AJAP1: variants seen among roughly 807,000 people sequenced by gnomAD.
The protein encoded by AJAP1 is adherens junction-associated protein 1.
Under a neutral mutation model 35.0 loss-of-function variants are expected in AJAP1, and 5 were observed. The ratio of observed to expected loss-of-function variants is 0.14; its 90% CI spans 0.07 to 0.30. The LOEUF (loss-of-function observed/expected upper bound fraction) is 0.30, where lower values mean the gene tolerates loss of function less well. Among genes scored for constraint, AJAP1 ranks in the 10% least tolerant of loss-of-function variants. The probability of loss-of-function intolerance (pLI) is 1.00; values close to 1 mark genes in which losing one functional copy is unlikely to be tolerated. For missense variants in AJAP1, 586 were observed against 571.0 expected, an observed-to-expected ratio of 1.03 and a Z score of -0.27; for synonymous variants, 284 against 249.3, an observed-to-expected ratio of 1.14 and a Z score of -1.31.
At chr1:4,777,568 C>G (rs1641963893) in intron 5 of AJAP1, 1 of 152,204 alleles carries the variant, frequency 6.6e-6, no homozygotes, top group Non-Finnish European at 1.5e-5. Context: ...GCCTCGAGAG[C>G]AGGCCTGCAT....
At position 4,782,740 on chromosome 1, in the gene AJAP1, C is replaced by T. The variant is rs139668701; in HGVS notation, c.*255C>T. On this transcript the variant is annotated 3_prime_UTR_variant, in exon 6 of 6. Coordinates refer to ENST00000378191, the MANE Select transcript of AJAP1 (RefSeq NM_018836.4). This position sits in a 1 kb window ranked among gnomAD's most constrained non-coding sequence, Gnocchi z 5.3. ...TCATGCCTATGGGTGACTGCCTTCT[C>T]CCAGAGTTTTCTTTGGAGAACAGAA... The T allele has an allele frequency of 2.1e-3, 854 of 398,552 alleles. 4 individuals are homozygous for T. The highest frequency in any genetic ancestry group is 0.016 in the African/African-American group (797 of 48,700). 24.7% of individuals were successfully genotyped at this position (398,552 alleles called of 1,614,324 possible).
At chr1:4,726,542 C>A (rs1337583296) in intron 2 of AJAP1, among the ~76,000 whole-genome samples, 5 of 151,890 alleles carry the variant, frequency 3.3e-5, no homozygotes, top group African/African-American at 2.4e-5. Context: ...GGGGTCTGGG[C>A]CGGAGGAAGA....
chr1:4,715,423 C>T (rs7556667), intron 2 of AJAP1, among the ~76,000 whole-genome samples: 5,582 of 152,314 alleles, frequency 0.037, 274 homozygotes, highest in East Asian at 0.17. Context: ...CAGTGGCTCA[C>T]GCCTATAATC....
At chr1:4,730,407 G>A (rs1436085415) in intron 2 of AJAP1, among the ~76,000 whole-genome samples, 4 of 152,194 alleles carry the variant, frequency 2.6e-5, no homozygotes, top group South Asian at 2.1e-4. Flanking sequence ...AGCTCACCCA[G>A]CCTGGAGCCC....
chr1:4,663,277 C>A (rs1639042746), intron 1 of AJAP1, among the ~76,000 whole-genome samples: 11 of 152,074 alleles, frequency 7.2e-5, no homozygotes, highest in Admixed American at 7.2e-4. Context: ...CTGCACCCAG[C>A]CAGGCATCAT....
At chr1:4,701,389 C>T (rs567904215) in intron 1 of AJAP1, among the ~76,000 whole-genome samples, 4 of 152,328 alleles carry the variant, frequency 2.6e-5, no homozygotes, top group South Asian at 4.1e-4. Flanking sequence ...GCACCAAAGC[C>T]GTCTCATGTC....
At chr1:4,774,392 C>G in intron 4 of AJAP1, 35 bp from the exon 5 acceptor site, 1 of 1,602,678 alleles carries the variant, frequency 6.2e-7, no homozygotes, top group South Asian at 1.1e-5. Context: ...GGTCAAGTAC[C>G]AGCACGCCAA....
chr1:4,662,952 C>T (rs1451351655), intron 1 of AJAP1, among the ~76,000 whole-genome samples: 1 of 152,128 alleles, frequency 6.6e-6, no homozygotes, highest in Non-Finnish European at 1.5e-5. Context: ...TCAGTGGTCT[C>T]TTGAAGGACC....
rs41305833 is a variant in AJAP1 at position 4,783,051 on chromosome 1, C to T, written c.*566C>T. 1.6e-3 allele frequency: 634 copies of T among 385,486 alleles called. No individual in the cohort carries two copies. Among genetic ancestry groups the T allele is most frequent in the Non-Finnish European group, 2.5e-3 (542 of 219,408 alleles). 23.9% of individuals were successfully genotyped at this position (385,486 alleles called of 1,614,324 possible). A position where few individuals can be genotyped will look rare whatever the true frequency, so the allele number is the denominator to read the frequency against. On this transcript the variant is annotated 3_prime_UTR_variant, in exon 6 of 6. Coordinates refer to ENST00000378191, the MANE Select transcript of AJAP1 (RefSeq NM_018836.4). ...ATATAAATACAAACACACACACACA[C>T]TTTTTTTGTACTGTAGCAATTTTTG... is the stretch of plus-strand genomic sequence containing the variant.
chr1:4,686,790 G>A (rs1332190753), intron 1 of AJAP1, among the ~76,000 whole-genome samples: 3 of 152,230 alleles, frequency 2.0e-5, no homozygotes, highest in South Asian at 2.1e-4. Context: ...GCTCTGGAGC[G>A]AGGTGAGCCC....
intron 1 of AJAP1, among the ~76,000 whole-genome samples, chr1:4,674,209 CTT>C (rs1335622947): frequency 2.6e-5 from 4 of 152,106 alleles, no homozygotes; most frequent in African/African-American, 7.2e-5. Context: ...GGAGAGGAGG[CTT>C]CACTGAGCTC....
chr1:4,726,384 A>G (rs1308972247), intron 2 of AJAP1, among the ~76,000 whole-genome samples: 1 of 152,160 alleles, frequency 6.6e-6, no homozygotes, highest in Non-Finnish European at 1.5e-5. Flanking sequence ...CCCTTGAATA[A>G]TGGCGTAATT....
At chr1:4,750,423 C>T (rs544487476) in intron 2 of AJAP1, among the ~76,000 whole-genome samples, 1 of 152,322 alleles carries the variant, frequency 6.6e-6, no homozygotes, top group African/African-American at 2.4e-5. Context: ...ACCACGTTGT[C>T]ATCCTCATAA....
chr1:4,734,660 G>A lies in AJAP1; in HGVS notation c.829+21961G>A, dbSNP rs1367327216. Among the ~76,000 whole-genome samples the A allele has an allele frequency of 1.3e-5, 2 of 152,182 alleles. No individual in the cohort carries two copies. Among genetic ancestry groups the A allele is most frequent in the African/African-American group, 4.8e-5 (2 of 41,444 alleles). On this transcript the variant is annotated intron_variant, in intron 2 of 5. Coordinates refer to ENST00000378191, the MANE Select transcript of AJAP1 (RefSeq NM_018836.4). The surrounding 1 kb of genome is among the most constrained non-coding windows in gnomAD (Gnocchi z 4.3). ...CCTCGTCACTGCAGGAGCTCGGACT[G>A]CACTGGATGGGGCTGGAGTGGCACC...
intron 2 of AJAP1, among the ~76,000 whole-genome samples, chr1:4,731,967 C>T (rs976640375): frequency 6.6e-5 from 10 of 152,200 alleles, no homozygotes; most frequent in Non-Finnish European, 1.5e-4. Flanking sequence ...CAGGAGGCCT[C>T]CCTTCCCGAT....
rs899706767 is a variant in AJAP1 at position 4,693,495 on chromosome 1, T to G, written c.30-18405T>G. Among the ~76,000 whole-genome samples the G allele has an allele frequency of 3.9e-5, 6 of 152,190 alleles. No homozygotes were observed. The East Asian group carries it at 1.2e-3, about 29-fold the overall frequency. On this transcript the variant is annotated intron_variant, in intron 1 of 5. Transcript: ENST00000378191. This position sits in a 1 kb window ranked among gnomAD's most constrained non-coding sequence, Gnocchi z 4.4. ...GCACCAGAGCCCAAACCCAGCTGGCTGCAGAATGGCCCTTCCTCCCCACGT... is the reference window on the plus strand; with the variant it reads ...GCACCAGAGCCCAAACCCAGCTGGCGGCAGAATGGCCCTTCCTCCCCACGT...
At chr1:4,729,692 T>C (rs1640755063) in intron 2 of AJAP1, among the ~76,000 whole-genome samples, 1 of 134,682 alleles carries the variant, frequency 7.4e-6, no homozygotes, top group Admixed American at 7.8e-5. Flanking sequence ...CCCACCCCGA[T>C]GGCCTCATTT....
rs1304970261 is a variant in AJAP1 at position 4,790,398 on chromosome 1, CTG to C, written c.*7916_*7917del. 2 of 152,192 alleles carry C rather than the reference CTG, an allele frequency of 1.3e-5. No individual in the cohort carries two copies. The highest frequency in any genetic ancestry group is 4.8e-5 in the African/African-American group (2 of 41,436). 9.4% of individuals were successfully genotyped at this position (152,192 alleles called of 1,614,324 possible). On this transcript the variant is annotated 3_prime_UTR_variant, in exon 6 of 6. Coordinates refer to ENST00000378191, the MANE Select transcript of AJAP1 (RefSeq NM_018836.4). ...GTCAACATGAATGGGACCCTAGAAA[CTG>C]TGAGGAGCAGGATTCTCTAAGGTGC... is the stretch of plus-strand genomic sequence containing the variant.
chr1:4,655,290 C>T lies in AJAP1; in HGVS notation c.-136C>T, dbSNP rs916047207. 4.9e-6 allele frequency: 3 copies of T among 608,792 alleles called. No individual in the cohort carries two copies. The highest frequency in any genetic ancestry group is 1.4e-4 in the South Asian group (2 of 13,906). 37.7% of individuals were successfully genotyped at this position (608,792 alleles called of 1,614,324 possible). ...CCGCGCTCTGACTCGCTGTGCGCCC[C>T]GCGGCCGGCGGGCGGCGGGAGGCGG... is the stretch of plus-strand genomic sequence containing the variant. On this transcript the variant is annotated 5_prime_UTR_variant, in exon 1 of 6. Transcript: ENST00000378191. The surrounding 1 kb of genome is among the most constrained non-coding windows in gnomAD (Gnocchi z 6.9).
Sources: gnomAD v4.1 joint callset for allele counts (sites outside exome capture counted in the v4.1 genomes callset) on GRCh38, gnomAD v4.1.1 for gene constraint, Gnocchi (gnomAD v3.1) non-coding constraint, MANE v1.5 for transcripts, NCBI Gene and HGNC (gene_info 2026-07-23, HGNC 2026-07-21) for gene names.